TNKS: variants seen among roughly 807,000 people sequenced by gnomAD.
TNKS encodes the protein tankyrase.
In TNKS, 72 loss-of-function variants were observed where a neutral mutation model predicts 135.8. The ratio of observed to expected loss-of-function variants is 0.53; its 90% CI spans 0.44 to 0.64. The LOEUF is 0.64. Ranked by LOEUF, TNKS falls within the 30% of genes least tolerant of loss-of-function variation. TNKS has a pLI of 0.00. For missense variants in TNKS, 1,769 were observed against 1,674.0 expected (o/e 1.06, Z -0.99); for synonymous variants, 849 against 649.3 (o/e 1.31, Z -4.68).
At chr8:9,596,027 A>G (rs547360480) in intron 2 of TNKS, among the ~76,000 whole-genome samples, 30 of 152,274 alleles carry the variant, frequency 2.0e-4, no homozygotes, top group Admixed American at 5.9e-4. Context: ...CAGAAGGATC[A>G]CTTGAGTGGG....
At chr8:9,769,682 C>T (rs998480835) in intron 25 of TNKS, among the ~76,000 whole-genome samples, 15 of 140,614 alleles carry the variant, frequency 1.1e-4, no homozygotes, top group South Asian at 4.5e-4. Context: ...TGCAGTGGCG[C>T]GATCTCGGCT....
intron 1 of TNKS, chr8:9,557,611 A>G (rs935908078): frequency 2.6e-5 from 4 of 152,162 alleles, no homozygotes; most frequent in Non-Finnish European, 4.4e-5. Context: ...ATACAATTCA[A>G]ATAGGACAGA....
chr8:9,758,828 A>G (rs11991917), intron 20 of TNKS, among the ~76,000 whole-genome samples: 1,859 of 152,294 alleles, frequency 0.012, 37 homozygotes, highest in African/African-American at 0.041. Flanking sequence ...AGCTCAAAAC[A>G]GCACACATTT....
chr8:9,640,840 C>G lies in TNKS; in HGVS notation c.994+25163C>G, dbSNP rs1439578007. ...CTTCACAATTTTATCTAAGCACAGA[C>G]CTAAACAAGGTCACTGTGTAACTCA... On this transcript the variant is annotated intron_variant, in intron 3 of 26. Transcript: ENST00000310430. Among the ~76,000 whole-genome samples, 21 of 145,882 alleles carry G rather than the reference C, an allele frequency of 1.4e-4. 1 individual carries two copies. Among genetic ancestry groups the G allele is most frequent in the Non-Finnish European group, 4.5e-5 (3 of 66,550 alleles).
At chr8:9,689,811 G>T (rs1055288905) in intron 5 of TNKS, among the ~76,000 whole-genome samples, 21 of 152,186 alleles carry the variant, frequency 1.4e-4, no homozygotes, top group Non-Finnish European at 2.6e-4. Flanking sequence ...CCAGTTTGCA[G>T]TTAAAATGAC....
intron 19 of TNKS, among the ~76,000 whole-genome samples, chr8:9,752,182 A>G (rs1256622947): frequency 6.6e-6 from 1 of 152,198 alleles, no homozygotes; most frequent in Non-Finnish European, 1.5e-5. Context: ...TTTTTAATTC[A>G]TTAAAAGCTT....
chr8:9,640,730 T>C lies in TNKS; in HGVS notation c.994+25053T>C, dbSNP rs373636024. Among the ~76,000 whole-genome samples the C allele has an allele frequency of 5.8e-4, 84 of 146,062 alleles. 20 individuals carry two copies. Among genetic ancestry groups the C allele is most frequent in the East Asian group, 3.8e-3 (18 of 4,736 alleles). On this transcript the variant is annotated intron_variant, in intron 3 of 26. Coordinates refer to ENST00000310430, the MANE Select transcript of TNKS (RefSeq NM_003747.3). ...GACATAGCTAGGTCATGTTGTTCTC[T>C]GGTTGGATCTGAACAATTTCATGGA...
chr8:9,556,169 G>A lies in TNKS; in HGVS notation c.230G>A (p.Arg77Lys), dbSNP rs759679641. 2 of 1,611,952 alleles carry A rather than the reference G, an allele frequency of 1.2e-6. No individual in the cohort carries two copies. The highest frequency in any genetic ancestry group is 3.3e-5 in the Admixed American group (2 of 59,948). Reference protein sequence around the residue: ...EGDGSRDPPDRPRSPDPVDGT... With the variant: ...EGDGSRDPPDKPRSPDPVDGT... ...GATGGCAGTCGGGATCCGCCCGACA[G>A]GCCCCGATCCCCGGACCCGGTTGAC... Residue 77 changes from arginine (R) to lysine (K), a missense_variant, in exon 1 of 27, where the codon AGG becomes AAG. Coordinates refer to ENST00000310430, the MANE Select transcript of TNKS (RefSeq NM_003747.3).
Position 9,641,858 on chromosome 8 carries a change from G to A in TNKS, c.994+26181G>A, listed in dbSNP as rs1800743960. ...GCACAAGTCGTTTTCTGTAAGATAT[G>A]AAACTGTAGATCTCACACAAAGCAA... On this transcript the variant is annotated intron_variant, in intron 3 of 26. Transcript: ENST00000310430. Among the ~76,000 whole-genome samples, 3 of 146,036 alleles carry A rather than the reference G, an allele frequency of 2.1e-5. 1 individual carries two copies.
intron 3 of TNKS, among the ~76,000 whole-genome samples, chr8:9,634,401 C>T (rs1246705649): frequency 4.6e-5 from 7 of 152,018 alleles, no homozygotes; most frequent in South Asian, 2.1e-4. Flanking sequence ...AACTTTTGAA[C>T]GTAATTCTTT....
rs117730171 is a variant in TNKS at position 9,651,504 on chromosome 8, T to C, written c.995-28447T>C. On this transcript the variant is annotated intron_variant, in intron 3 of 26. Transcript: ENST00000310430. ...GCTTTGAGAGAATTTAGAGGAGGAC[T>C]TAGAAGGGGCTTCTTGTAGGGTCTA... Among the ~76,000 whole-genome samples, 351 of 152,314 alleles carry C rather than the reference T, an allele frequency of 2.3e-3. 8 individuals carry two copies. The East Asian group carries it at 0.059, about 26-fold the overall frequency.
chr8:9,758,341 C>G (rs1217760174), intron 20 of TNKS, among the ~76,000 whole-genome samples: 1 of 151,838 alleles, frequency 6.6e-6, no homozygotes, highest in Non-Finnish European at 1.5e-5. Flanking sequence ...TTAGATTCCA[C>G]AGGTTGATAG....
rs567245448 is a variant in TNKS, at chr8:9,565,316, C to T, written c.673+8704C>T. ...TTTGGTTTTGGAAGAGGGAAAATAA[C>T]GTGATGTAAAATTTTTTCTCTATCC... On this transcript the variant is annotated intron_variant, in intron 1 of 26. Coordinates refer to ENST00000310430, the MANE Select transcript of TNKS (RefSeq NM_003747.3). Among the ~76,000 whole-genome samples the T allele has an allele frequency of 3.9e-5, 6 of 152,054 alleles. No individual in the cohort carries two copies. In the South Asian group the frequency reaches 8.3e-4, roughly 21 times the overall value.
intron 3 of TNKS, 106 bp from the exon 4 acceptor site, chr8:9,679,843 ACT>A: frequency 1.1e-6 from 1 of 887,054 alleles, no homozygotes; most frequent in Non-Finnish European, 1.8e-6. Context: ...CGGGGTGTGG[ACT>A]CTCTTTTTCT....
intron 5 of TNKS, among the ~76,000 whole-genome samples, chr8:9,691,289 A>T (rs1803255169): frequency 6.6e-6 from 1 of 152,182 alleles, no homozygotes; most frequent in African/African-American, 2.4e-5. Context: ...CTGCTATATT[A>T]AACTATTTTT....
intron 5 of TNKS, among the ~76,000 whole-genome samples, chr8:9,685,493 A>G (rs997861034): frequency 7.9e-5 from 12 of 152,308 alleles, no homozygotes; most frequent in Admixed American, 7.8e-4. Context: ...TGAAACTTTC[A>G]AATGTATCTA....
At chr8:9,584,270 T>G (rs1054353503) in intron 2 of TNKS, among the ~76,000 whole-genome samples, 1 of 152,066 alleles carries the variant, frequency 6.6e-6, no homozygotes, top group Non-Finnish European at 1.5e-5. Flanking sequence ...TTGGAGATTT[T>G]AAACTGTGGG....
At chr8:9,719,361 A>G (rs892836456) in intron 11 of TNKS, among the ~76,000 whole-genome samples, 4 of 151,240 alleles carry the variant, frequency 2.6e-5, no homozygotes, top group African/African-American at 4.9e-5. Flanking sequence ...ATAATTGAGA[A>G]TTTACTGTGT....
At chr8:9,747,572 T>TG (rs1279427616) in intron 17 of TNKS, among the ~76,000 whole-genome samples, 4 of 152,168 alleles carry the variant, frequency 2.6e-5, no homozygotes, top group African/African-American at 9.7e-5. Context: ...TTTCAGTAAA[T>TG]CTGATTGCAG....
Sources: gnomAD v4.1 joint callset for allele counts (sites outside exome capture counted in the v4.1 genomes callset) on GRCh38, gnomAD v4.1.1 for gene constraint, MANE v1.5 for transcripts, NCBI Gene and HGNC (gene_info 2026-07-23, HGNC 2026-07-21) for gene names.